NEMF: variants seen among roughly 807,000 people sequenced by gnomAD.
NEMF encodes nuclear export mediator factor, also known as ribosome quality control complex subunit NEMF.
Under a neutral mutation model 162.2 loss-of-function variants are expected in NEMF, and 89 were observed. The observed-to-expected ratio is 0.55, with a 90% CI of 0.46 to 0.65. The LOEUF is 0.65. Ranked by LOEUF, NEMF falls within the 30% of genes least tolerant of loss-of-function variation. NEMF has a pLI of 0.00. For synonymous variants in NEMF, 421 were observed against 404.5 expected (o/e 1.04, Z -0.49); for missense variants, 1,133 against 1,261.9 (o/e 0.90, Z 1.55).
At chr14:49,803,689 C>A (rs1468397277) in intron 19 of NEMF, among the ~76,000 whole-genome samples, 3 of 152,076 alleles carry the variant, frequency 2.0e-5, no homozygotes, top group South Asian at 2.1e-4. Flanking sequence ...CCATGCCCAG[C>A]TGATTTTTGT....
intron 4 of NEMF, among the ~76,000 whole-genome samples, chr14:49,844,098 CAA>C (rs74488260): frequency 1.7e-5 from 2 of 119,276 alleles, no homozygotes. Context: ...GACTCTGTAT[CAA>C]AAAAAAAAAA....
At chr14:49,831,067 C>T (rs978610895) in intron 11 of NEMF, among the ~76,000 whole-genome samples, 4 of 152,230 alleles carry the variant, frequency 2.6e-5, no homozygotes, top group African/African-American at 2.4e-5. Flanking sequence ...CCGTATTTTC[C>T]TTTTTTTACA....
rs746652575 is a variant in NEMF, at chr14:49,799,500, T to G, written c.2440A>C (p.Arg814=). 2.2e-5 allele frequency: 35 copies of G among 1,611,952 alleles called. No homozygotes were observed. The highest frequency in any genetic ancestry group is 2.8e-5 in the Non-Finnish European group (33 of 1,179,488). Residue 814 remains arginine (R), a synonymous_variant, in exon 25 of 33, where the codon AGA becomes CGA. Coordinates refer to ENST00000298310, the MANE Select transcript of NEMF (RefSeq NM_004713.6). The stretch of plus-strand genomic sequence containing the variant: ...CTTCTTTCCTTGGCTGACAAATGTC[T>G]CCGGCTCTGTGATTTACTGTCACTC... ...NSSDSKSQSR[R]HLSAKERREM... is the part of the protein sequence containing the mutation.
At chr14:49,815,562 T>C (rs1594761893) in intron 16 of NEMF, among the ~76,000 whole-genome samples, 1 of 152,202 alleles carries the variant, frequency 6.6e-6, no homozygotes, top group Non-Finnish European at 1.5e-5. Flanking sequence ...TAAGCACAGA[T>C]ACTTAACTTA....
intron 7 of NEMF, 111 bp downstream of exon 7, chr14:49,834,252 G>A (rs916088772): frequency 3.6e-5 from 25 of 691,760 alleles, no homozygotes; most frequent in Admixed American, 9.7e-5. Context: ...CAGTGTGCCT[G>A]GTCAAATGTT....
intron 3 of NEMF, chr14:49,849,561 T>C (rs1017103836): frequency 1.3e-5 from 2 of 152,258 alleles, no homozygotes; most frequent in African/African-American, 4.8e-5. Context: ...GAGGAAATCT[T>C]TCTATACATT....
intron 16 of NEMF, among the ~76,000 whole-genome samples, chr14:49,818,623 C>T (rs1216162834): frequency 2.0e-5 from 3 of 151,998 alleles, no homozygotes; most frequent in Non-Finnish European, 4.4e-5. Context: ...AACAGAAGGC[C>T]AGAGGTTAAT....
chr14:49,808,919 C>A (rs1891344620), intron 18 of NEMF, among the ~76,000 whole-genome samples: 1 of 152,062 alleles, frequency 6.6e-6, no homozygotes, highest in African/African-American at 2.4e-5. Context: ...ATCTAATAAG[C>A]ATATGAAAAG....
intron 16 of NEMF, among the ~76,000 whole-genome samples, chr14:49,824,704 C>T (rs1892254001): frequency 6.6e-6 from 1 of 151,936 alleles, no homozygotes. Flanking sequence ...GCTGAGATTA[C>T]AGGAATGGGC....
chr14:49,822,295 AT>A (rs1191718548), intron 16 of NEMF, among the ~76,000 whole-genome samples: 31 of 109,626 alleles, frequency 2.8e-4, no homozygotes, highest in African/African-American at 6.2e-4. Flanking sequence ...ATAAAAAAAA[AT>A]AAAATAAAAT....
At chr14:49,802,789 AAC>A in intron 20 of NEMF, 62 bp from the exon 21 acceptor site, 4 of 1,306,278 alleles carry the variant, frequency 3.1e-6, no homozygotes, top group Non-Finnish European at 4.3e-6. Flanking sequence ...TTGCTTGTAA[AAC>A]AAAAAAAAAT....
chr14:49,840,212 A>G (rs1893127788), intron 5 of NEMF, among the ~76,000 whole-genome samples: 1 of 152,212 alleles, frequency 6.6e-6, no homozygotes, highest in South Asian at 2.1e-4. Context: ...CTGTAATCCC[A>G]GCACTTTGGG....
intron 19 of NEMF, among the ~76,000 whole-genome samples, 177 bp downstream of exon 19, chr14:49,805,844 A>G (rs1436209144): frequency 1.3e-5 from 2 of 152,084 alleles, no homozygotes; most frequent in African/African-American, 4.8e-5. Context: ...ATCCCCTTCC[A>G]TGCTTTTAAA....
Position 49,782,146 on chromosome 14 carries a change from T to C in NEMF, c.*2490A>G, listed in dbSNP as rs112061317. 1.2e-5 allele frequency: 6 copies of C among 502,872 alleles called. No homozygotes were observed. The highest frequency in any genetic ancestry group is 7.9e-5 in the African/African-American group (4 of 50,712). The allele number at this position is 502,872 out of a possible 1,614,324, so 31.2% of individuals were successfully genotyped here. ...CAGATCGTTCAGTTCAAACTCCTCATTGCATAAATGAGAACGACCAGAGAG... is the reference window on the plus strand; with the variant it reads ...CAGATCGTTCAGTTCAAACTCCTCACTGCATAAATGAGAACGACCAGAGAG... On this transcript the variant is annotated 3_prime_UTR_variant, in exon 33 of 33. Transcript: ENST00000298310.
At chr14:49,849,784 T>C (rs1364031398) in intron 3 of NEMF, 1 of 152,238 alleles carries the variant, frequency 6.6e-6, no homozygotes, top group Non-Finnish European at 1.5e-5. Context: ...TCATCTGCCT[T>C]AAAAAGTGCT....
In NEMF at chr14:49,838,140, A is replaced by C; in HGVS notation, c.573T>G (p.Leu191=). ...ELLKRVLNPL[L]PYGPALIEHC... ...ACTGCTATTTGCAGGAATACTCACGAAGTAATGGGTTAAGCACCCTCTTCA... is the reference window on the plus strand; with the variant it reads ...ACTGCTATTTGCAGGAATACTCACGCAGTAATGGGTTAAGCACCCTCTTCA... The change falls in exon 6 of 33, where the codon CTT becomes CTG. Residue 191 remains leucine (L), a splice_region_variant and synonymous_variant. Coordinates refer to ENST00000298310, the MANE Select transcript of NEMF (RefSeq NM_004713.6). 1 of 1,608,072 alleles carries C rather than the reference A, an allele frequency of 6.2e-7. No individual in the cohort carries two copies. The highest frequency in any genetic ancestry group is 1.1e-5 in the South Asian group (1 of 90,598).
intron 18 of NEMF, among the ~76,000 whole-genome samples, chr14:49,813,775 A>G (rs1891592391): frequency 6.6e-6 from 1 of 151,878 alleles, no homozygotes; most frequent in Non-Finnish European, 1.5e-5. Context: ...AGCTTTTTAA[A>G]AAAATTTTTC....
At chr14:49,851,194 A>G (rs558326733) in intron 3 of NEMF, among the ~76,000 whole-genome samples, 4 of 152,316 alleles carry the variant, frequency 2.6e-5, no homozygotes, top group African/African-American at 9.6e-5. Flanking sequence ...ACAGAGCGAG[A>G]CTCCTTCTCA....
Position 49,828,160 on chromosome 14 carries a change from T to C in NEMF, c.1488+131A>G, listed in dbSNP as rs1367492553. Reference sequence around the variant, plus strand: ...GGGGAAAAAATACTGGAAATACATATATTTAAAGCAAAGTTAAGTTTGAAA... The same window carrying C: ...GGGGAAAAAATACTGGAAATACATACATTTAAAGCAAAGTTAAGTTTGAAA... On this transcript the variant is annotated intron_variant, in intron 15 of 32. Transcript: ENST00000298310. 5.5e-6 allele frequency: 4 copies of C among 720,874 alleles called. No homozygotes were observed. The East Asian group carries it at 1.1e-4, about 19-fold the overall frequency. 44.7% of individuals were successfully genotyped at this position (720,874 alleles called of 1,614,324 possible). A position where few individuals can be genotyped will look rare whatever the true frequency, so the allele number is the denominator to read the frequency against.
Sources: allele counts gnomAD v4.1 joint callset (sites outside exome capture counted in the v4.1 genomes callset), GRCh38; gene constraint gnomAD v4.1.1; transcripts MANE v1.5; gene names NCBI Gene and HGNC (gene_info 2026-07-23, HGNC 2026-07-21).